The following PHF8 variants were observed in gnomAD, a reference collection of about 807,000 sequenced individuals.
PHF8 encodes PHD finger protein 8.
PHF8 carries 9 observed loss-of-function variants against 74.4 expected under a neutral mutation model. That is an observed-to-expected ratio of 0.12 (90% CI 0.07 to 0.21). The LOEUF is 0.21. PHF8 is among the 10% of genes least tolerant of loss of function. The probability of loss-of-function intolerance (pLI) is 1.00; values close to 1 mark genes in which losing one functional copy is unlikely to be tolerated. For synonymous variants in PHF8, 311 were observed against 316.6 expected (o/e 0.98, Z 0.19); for missense variants, 478 against 816.6 (o/e 0.59, Z 5.05).
chrX:54,022,263 C>G lies in PHF8; in HGVS notation c.289G>C (p.Asp97His), dbSNP rs2066190726. The change falls in exon 4 of 22, where the codon GAC becomes CAC. Residue 97 changes from aspartate to histidine, a missense_variant. Around this residue, in one of 9 missense-constraint regions of PHF8, gnomAD observed 28 missense variants for 33.4 expected, o/e 0.84. Coordinates refer to ENST00000338154, the MANE Select transcript of PHF8 (RefSeq NM_015107.3). ...ACTGGAGGCAGGGTTCCTCACCTGT[C>G]AAAAGTCCTACTCCGGAGCTCTCTG... ...FVRELRSRTF[D>H]SSDEVILKPT... 1 of 1,164,819 alleles carries G rather than the reference C, an allele frequency of 8.6e-7. No homozygotes were observed. The highest frequency in any genetic ancestry group is 1.2e-6 in the Non-Finnish European group (1 of 852,508).
rs782658972 is a variant in PHF8, at chrX:53,974,794, AAACT to A, written c.2443+10116_2443+10119del. Among the ~76,000 whole-genome samples, 437 of 112,294 alleles carry A rather than the reference AAACT, an allele frequency of 3.9e-3. 3 individuals are homozygous for A. Among genetic ancestry groups the A allele is most frequent in the Non-Finnish European group, 5.8e-3 (311 of 53,259 alleles). ...GGAGCTGGAAGCTGTTATTCTCAGC[AAACT>A]AACACAAGAACAGAAAACTAAATAC... On this transcript the variant is annotated intron_variant, in intron 18 of 21. Transcript: ENST00000338154.
upstream of PHF8, among the ~76,000 whole-genome samples, chrX:54,048,406 A>G (rs1309734725): frequency 8.9e-6 from 1 of 111,874 alleles, no homozygotes; most frequent in Admixed American, 9.5e-5. Context: ...GGGAACAAAG[A>G]GGCAGTCACA....
intron 18 of PHF8, among the ~76,000 whole-genome samples, chrX:53,967,387 C>A (rs1317143491): frequency 9.4e-5 from 10 of 106,302 alleles, no homozygotes; most frequent in African/African-American, 3.5e-4. Context: ...CCCCGCCCGG[C>A]CAGCCGCCCC....
At position 53,999,830 on chromosome X, in the gene PHF8, G is replaced by C. The variant is rs1325208965; in HGVS notation, c.1233+40C>G. On this transcript the variant is annotated intron_variant, in intron 11 of 21. Transcript: ENST00000338154. ...CTACCCAAATCCAGTCCCTACAAAG[G>C]GCAAAACTCCAGAGGAGGTAGAGAA... The C allele has an allele frequency of 3.3e-6, 3 of 901,122 alleles. No individual in the cohort carries two copies. In the East Asian group the frequency reaches 9.3e-5, roughly 28 times the overall value. The allele number at this position is 901,122 out of a possible 1,213,427, so 74.3% of individuals were successfully genotyped here. A position where few individuals can be genotyped will look rare whatever the true frequency, so the allele number is the denominator to read the frequency against.
At chrX:54,004,520 AATC>A (rs781990096) in intron 8 of PHF8, among the ~76,000 whole-genome samples, 2 of 112,370 alleles carry the variant, frequency 1.8e-5, no homozygotes, top group South Asian at 7.2e-4. Flanking sequence ...CATCATAAGA[AATC>A]ATCATAAGAA....
intron 11 of PHF8, 177 bp downstream of exon 11, chrX:53,999,693 A>C: frequency 2.3e-6 from 1 of 431,329 alleles, no homozygotes. Context: ...ATTACTTTTT[A>C]TCATCAGAAA....
Position 54,043,786 on chromosome X carries a change from G to C in PHF8, c.-117C>G. The stretch of plus-strand genomic sequence containing the variant: ...CAGGAATCTTAACGCTTCCCCAACT[G>C]ACAGGAACCTCCTCACGCCCCAAAC... On this transcript the variant is annotated 5_prime_UTR_variant, in exon 1 of 22. Coordinates refer to ENST00000338154, the MANE Select transcript of PHF8 (RefSeq NM_015107.3). The C allele has an allele frequency of 2.7e-6, 2 of 748,350 alleles. No individual in the cohort carries two copies. Among genetic ancestry groups the C allele is most frequent in the Non-Finnish European group, 3.2e-6 (2 of 633,983 alleles). 61.7% of individuals were successfully genotyped at this position (748,350 alleles called of 1,213,427 possible).
intron 11 of PHF8, 126 bp downstream of exon 11, chrX:53,999,744 C>T (rs2065801271): frequency 2.1e-6 from 1 of 487,559 alleles, no homozygotes. Flanking sequence ...CTAGCCCACA[C>T]CTCCACTCTA....
chrX:53,973,249 T>C (rs1188729954), intron 18 of PHF8, among the ~76,000 whole-genome samples: 1 of 112,058 alleles, frequency 8.9e-6, no homozygotes, highest in Non-Finnish European at 1.9e-5. Context: ...TTCAATGCTA[T>C]TCCCATTAAA....
At chrX:54,002,103 C>A in intron 10 of PHF8, 52 bp downstream of exon 10, 2 of 625,739 alleles carry the variant, frequency 3.2e-6, no homozygotes, top group South Asian at 4.4e-5. Context: ...CACACATACT[C>A]ATTCACTCAG....
At chrX:53,944,463 GA>G in intron 19 of PHF8, 4 of 400,346 alleles carry the variant, frequency 1.0e-5, no homozygotes, top group African/African-American at 2.5e-5. Context: ...GAGGGAAAAA[GA>G]AAAAAAATGT....
intron 8 of PHF8, among the ~76,000 whole-genome samples, chrX:54,005,010 T>C (rs937571375): frequency 3.7e-5 from 4 of 107,443 alleles, no homozygotes. Flanking sequence ...AAACAGAAAA[T>C]GCAAAGACAG....
chrX:53,949,042 AAAAAT>A (rs1301380255), intron 19 of PHF8, among the ~76,000 whole-genome samples: 2 of 110,000 alleles, frequency 1.8e-5, no homozygotes, highest in East Asian at 2.8e-4. Context: ...TAAATAAAAT[AAAAAT>A]AAAATAAAAT....
chrX:54,040,953 G>A (rs1411011703), intron 2 of PHF8, among the ~76,000 whole-genome samples: 1 of 112,004 alleles, frequency 8.9e-6, no homozygotes, highest in Non-Finnish European at 1.9e-5. Flanking sequence ...ACAGAACTCT[G>A]TGCCGGGCAC....
chrX:53,985,081 C>T lies in PHF8; in HGVS notation c.2276G>A (p.Ser759Asn). ...GGQDRSSGSS[S>N]SGLGTVSNSP... ...GTTAGACACTGTGCCCAGCCCACTG[C>T]TGGAGCTCCCACTGCTTCGATCCTG... The change falls in exon 18 of 22, where the codon AGC becomes AAC. Residue 759 changes from serine (S) to asparagine (N), a missense_variant. Physicochemically the swap from Ser to Asn is conservative, Grantham distance 46. Coordinates refer to ENST00000338154, the MANE Select transcript of PHF8 (RefSeq NM_015107.3). 1.7e-6 allele frequency: 2 copies of T among 1,211,458 alleles called. No individual in the cohort carries two copies. Among genetic ancestry groups the T allele is most frequent in the Non-Finnish European group, 2.2e-6 (2 of 895,314 alleles).
chrX:53,964,872 A>C (rs2149798741), intron 18 of PHF8, among the ~76,000 whole-genome samples: 1 of 108,076 alleles, frequency 9.3e-6, no homozygotes, highest in African/African-American at 3.3e-5. Flanking sequence ...CTGCCTCAAA[A>C]AAAAAAAAAA....
At position 54,022,333 on chromosome X, in the gene PHF8, A is replaced by T. The variant is rs148664730; in HGVS notation, c.219T>A (p.Asp73Glu). Residue 73 changes from aspartate (D) to glutamate (E), a missense_variant, in exon 4 of 22, where the codon GAT becomes GAA. By Grantham distance (45) the Asp-to-Glu change is conservative (BLOSUM62 2). This residue lies in a region of PHF8 where 28 missense variants were observed against 33.4 expected (regional missense o/e 0.84). Transcript: ENST00000338154. Reference protein sequence around the residue: ...KKRRGSSKGHDTHKGKPVKTG... With the variant: ...KKRRGSSKGHETHKGKPVKTG... ...TCTTCACTGGTTTCCCCTTGTGTGTATCATGCCCCTTTGAAGATCCACGGC... is the reference window on the plus strand; with the variant it reads ...TCTTCACTGGTTTCCCCTTGTGTGTTTCATGCCCCTTTGAAGATCCACGGC... The T allele has an allele frequency of 1.7e-3, 2,001 of 1,204,307 alleles. 1 individual carries two copies. The Middle Eastern group carries it at 0.019, about 12-fold the overall frequency.
intron 11 of PHF8, among the ~76,000 whole-genome samples, chrX:53,997,742 T>C (rs1477983080): frequency 2.7e-5 from 3 of 111,834 alleles, no homozygotes; most frequent in Non-Finnish European, 3.8e-5. Context: ...CCTTTTGGTG[T>C]TTTTGGGACA....
intron 5 of PHF8, 25 bp from the exon 6 acceptor site, chrX:54,016,761 A>G: frequency 8.5e-7 from 1 of 1,175,729 alleles, no homozygotes; most frequent in Non-Finnish European, 1.2e-6. Flanking sequence ...TAGGTTCTGC[A>G]CCAAGTAGTC....
Sources: allele counts gnomAD v4.1 joint callset (sites outside exome capture counted in the v4.1 genomes callset), GRCh38; gene constraint gnomAD v4.1.1; regional missense constraint gnomAD v4.1.1; transcripts MANE v1.5; gene names NCBI Gene and HGNC (gene_info 2026-07-23, HGNC 2026-07-21).